CNTN4: variants seen among roughly 807,000 people sequenced by gnomAD.
CNTN4 encodes the protein contactin-4.
A neutral mutation model predicts 122.5 loss-of-function variants in CNTN4; 77 were observed. That is an observed-to-expected ratio of 0.63 (90% CI 0.52 to 0.76). The LOEUF is 0.76. Among genes scored for constraint, CNTN4 ranks in the 30% least tolerant of loss-of-function variants. CNTN4 has a pLI of 0.00. For missense variants in CNTN4, 1,256 were observed against 1,259.1 expected, an observed-to-expected ratio of 1.00 and a Z score of 0.04; for synonymous variants, 512 against 447.0, an observed-to-expected ratio of 1.15 and a Z score of -1.83.
Position 2,338,826 on chromosome 3 carries a change from A to T in CNTN4, c.-144-352A>T, listed in dbSNP as rs573138749. Among the ~76,000 whole-genome samples the T allele has an allele frequency of 2.2e-4, 34 of 152,234 alleles. 1 individual carries two copies. In the South Asian group the frequency reaches 6.8e-3, roughly 31 times the overall value. ...ATTGCTCAATTTTTATTATTTTAAA[A>T]TCCTTTTAATGTACCCTCTTAAGAA... On this transcript the variant is annotated intron_variant, in intron 2 of 24. Transcript: ENST00000418658.
intron 3 of CNTN4, among the ~76,000 whole-genome samples, chr3:2,546,457 G>A (rs1235453342): frequency 1.3e-5 from 2 of 152,036 alleles, no homozygotes; most frequent in East Asian, 1.9e-4. Context: ...TGAACACATG[G>A]ACACAAAGAG....
At chr3:2,843,749 G>A (rs942591471) in intron 7 of CNTN4, among the ~76,000 whole-genome samples, 2 of 152,102 alleles carry the variant, frequency 1.3e-5, no homozygotes, top group East Asian at 1.9e-4. Context: ...CCCCAGAAGC[G>A]GATACCAGCA....
At chr3:2,352,115 G>A (rs954516575) in intron 3 of CNTN4, among the ~76,000 whole-genome samples, 4 of 152,098 alleles carry the variant, frequency 2.6e-5, no homozygotes, top group African/African-American at 9.7e-5. Flanking sequence ...AACAGGTCTG[G>A]TGCGGTTGCT....
intron 7 of CNTN4, among the ~76,000 whole-genome samples, chr3:2,840,683 A>C (rs1462763441): frequency 6.7e-6 from 1 of 150,160 alleles, no homozygotes; most frequent in Admixed American, 6.7e-5. Flanking sequence ...TGGGCGACAG[A>C]GCGACACTCC....
At chr3:3,009,541 C>T (rs1449560967) in intron 14 of CNTN4, among the ~76,000 whole-genome samples, 1 of 151,028 alleles carries the variant, frequency 6.6e-6, no homozygotes, top group South Asian at 2.1e-4. Context: ...TCCCGCCATT[C>T]TCCTGCCTCA....
At chr3:2,245,999 C>G (rs1034139276) in intron 2 of CNTN4, among the ~76,000 whole-genome samples, 1 of 151,974 alleles carries the variant, frequency 6.6e-6, no homozygotes, top group African/African-American at 2.4e-5. Flanking sequence ...CTACCTTACA[C>G]TCTCACATTC....
intron 23 of CNTN4, among the ~76,000 whole-genome samples, chr3:3,045,925 G>T (rs1017386383): frequency 3.3e-5 from 5 of 152,196 alleles, no homozygotes; most frequent in Admixed American, 3.3e-4. Flanking sequence ...ATGTAGAGAA[G>T]TCCTTAAATG....
At chr3:2,177,656 TTGTGTGTGTGTGTGTG>T (rs60145608) in intron 2 of CNTN4, among the ~76,000 whole-genome samples, 1 of 147,548 alleles carries the variant, frequency 6.8e-6, no homozygotes, top group Non-Finnish European at 1.5e-5. Context: ...GTGTGTGTGT[TTGTGTGTGTGTGTGTG>T]TGTGTGTGTG....
At chr3:2,239,005 G>C (rs1031525360) in intron 2 of CNTN4, 22 of 151,262 alleles carry the variant, frequency 1.5e-4, no homozygotes, top group Admixed American at 1.3e-3. Context: ...GATGACAGGC[G>C]TGAGCCACCG....
intron 2 of CNTN4, among the ~76,000 whole-genome samples, chr3:2,268,612 G>A (rs552586511): frequency 1.3e-5 from 2 of 152,120 alleles, no homozygotes; most frequent in East Asian, 3.9e-4. Flanking sequence ...CTAGGTCCTA[G>A]TTAATGTGAT....
At chr3:2,609,426 CTG>C (rs1019756398) in intron 4 of CNTN4, among the ~76,000 whole-genome samples, 2 of 152,182 alleles carry the variant, frequency 1.3e-5, no homozygotes, top group African/African-American at 4.8e-5. Context: ...GCCTCCATAA[CTG>C]TGAGAAATAA....
At chr3:2,132,869 A>G (rs892311340) in intron 2 of CNTN4, among the ~76,000 whole-genome samples, 1 of 152,154 alleles carries the variant, frequency 6.6e-6, no homozygotes, top group African/African-American at 2.4e-5. Context: ...AGGGGAAATA[A>G]GATGTAGATT....
At chr3:3,051,213 AG>A (rs754172174) in intron 23 of CNTN4, among the ~76,000 whole-genome samples, 30 of 152,192 alleles carry the variant, frequency 2.0e-4, no homozygotes, top group Non-Finnish European at 2.8e-4. Context: ...TAGTGGAAGT[AG>A]TCTATAATAT....
At chr3:2,993,225 T>C (rs1695209683) in intron 14 of CNTN4, among the ~76,000 whole-genome samples, 1 of 152,126 alleles carries the variant, frequency 6.6e-6, no homozygotes, top group South Asian at 2.1e-4. Context: ...AGCCATGTCA[T>C]TTTTTTACAT....
chr3:2,471,811 G>A (rs1442095308), intron 3 of CNTN4, among the ~76,000 whole-genome samples: 1 of 152,162 alleles, frequency 6.6e-6, no homozygotes, highest in African/African-American at 2.4e-5. Context: ...CCTGAATCTT[G>A]TATTAGAATC....
intron 4 of CNTN4, among the ~76,000 whole-genome samples, chr3:2,572,291 C>A (rs556138424): frequency 1.3e-5 from 2 of 152,222 alleles, no homozygotes; most frequent in South Asian, 4.1e-4. Context: ...GGAGCTGAGG[C>A]AGGAGAATTG....
chr3:2,421,882 T>G (rs144816382), intron 3 of CNTN4, among the ~76,000 whole-genome samples: 1 of 152,178 alleles, frequency 6.6e-6, no homozygotes, highest in Non-Finnish European at 1.5e-5. Flanking sequence ...AGAGATTAAA[T>G]AATTTGCTCA....
chr3:2,443,272 G>C (rs2048505004), intron 3 of CNTN4, among the ~76,000 whole-genome samples: 1 of 152,106 alleles, frequency 6.6e-6, no homozygotes, highest in Non-Finnish European at 1.5e-5. Flanking sequence ...CATAATTGAT[G>C]AGTTGGTTCC....
At chr3:2,381,996 C>T (rs987693336) in intron 3 of CNTN4, among the ~76,000 whole-genome samples, 1 of 152,160 alleles carries the variant, frequency 6.6e-6, no homozygotes, top group Non-Finnish European at 1.5e-5. Flanking sequence ...AAGGCACAAA[C>T]CCTGTTTCAT....
Sources: gnomAD v4.1 joint callset for allele counts (sites outside exome capture counted in the v4.1 genomes callset) on GRCh38, gnomAD v4.1.1 for gene constraint, MANE v1.5 for transcripts, NCBI Gene and HGNC (gene_info 2026-07-23, HGNC 2026-07-21) for gene names.